C18orf54: variants seen among roughly 807,000 people sequenced by gnomAD.
C18orf54 encodes lung adenoma susceptibility protein 2.
In C18orf54, 49 loss-of-function variants were observed where a neutral mutation model predicts 49.3. That is an observed-to-expected ratio of 0.99 (90% confidence interval 0.79 to 1.26). The LOEUF (loss-of-function observed/expected upper bound fraction) is 1.26, where lower values mean the gene tolerates loss of function less well. Ranked by LOEUF, C18orf54 falls within the 50% of genes most tolerant of loss-of-function variation. The probability of loss-of-function intolerance (pLI) is 0.00; values close to 1 mark genes in which losing one functional copy is unlikely to be tolerated. For missense variants in C18orf54, 687 were observed against 620.6 expected (o/e 1.11, Z -1.14); for synonymous variants, 211 against 216.6 (o/e 0.97, Z 0.23).
chr18:54,369,526 G>A (rs949806286), intron 6 of C18orf54, among the ~76,000 whole-genome samples: 5 of 139,618 alleles, frequency 3.6e-5, no homozygotes, highest in African/African-American at 1.3e-4. Flanking sequence ...CTGGAGCGCA[G>A]TGGCACAATC....
chr18:54,362,031 T>C lies in C18orf54; in HGVS notation c.672T>C (p.Ser224=). The change falls in exon 4 of 9, where the codon TCT becomes TCC. Residue 224 remains serine, a synonymous_variant. Coordinates refer to ENST00000620105, the MANE Select transcript of C18orf54 (RefSeq NM_001288980.2). The part of the protein sequence containing the change: ...ESSLSFPKKS[S]FKDSSEHSLE... ...CTTTGTCTTTTCCCAAGAAATCGTC[T>C]TTCAAGGACAGTTCAGAACACAGTC... 1 of 1,588,682 alleles carries C rather than the reference T, an allele frequency of 6.3e-7. No homozygotes were observed.
chr18:54,363,796 T>C (rs910574315), intron 5 of C18orf54: 1 of 130,654 alleles, frequency 7.7e-6, no homozygotes, highest in African/African-American at 3.1e-5. Flanking sequence ...AGACAGAGTC[T>C]ATTAGTTCCT....
chr18:54,360,972 A>G, intron 3 of C18orf54, 117 bp downstream of exon 3: 1 of 974,652 alleles, frequency 1.0e-6, no homozygotes, highest in Non-Finnish European at 1.5e-6. Flanking sequence ...AAATAACATA[A>G]TATTGAGATC....
intron 6 of C18orf54, among the ~76,000 whole-genome samples, chr18:54,370,703 C>T (rs1458261090): frequency 6.6e-6 from 1 of 152,132 alleles, no homozygotes; most frequent in Non-Finnish European, 1.5e-5. Flanking sequence ...TTGGCACAAA[C>T]AGTTCATATG....
rs536834083 is a variant in C18orf54, at chr18:54,370,403, C to T, written c.1327-2063C>T. Among the ~76,000 whole-genome samples the T allele has an allele frequency of 4.6e-5, 7 of 152,124 alleles. No homozygotes were observed. In the East Asian group the frequency reaches 9.6e-4, roughly 21 times the overall value. The stretch of plus-strand genomic sequence containing the variant: ...CAGGAAGATATGCATAGGTTATATG[C>T]AAATACTGTGCCATTTTATAATCAG... On this transcript the variant is annotated intron_variant, in intron 6 of 8. Transcript: ENST00000620105.
chr18:54,375,810 T>G (rs1282295773), intron 8 of C18orf54, among the ~76,000 whole-genome samples: 1 of 152,166 alleles, frequency 6.6e-6, no homozygotes, highest in Non-Finnish European at 1.5e-5. Context: ...TTATTAATTC[T>G]GTTGTATTAA....
In C18orf54 at chr18:54,381,097, A is replaced by T. The variant is rs1204044124; in HGVS notation, c.*2851A>T. 6.6e-6 allele frequency: 1 copy of T among 152,190 alleles called. No homozygotes were observed. Among genetic ancestry groups the T allele is most frequent in the Non-Finnish European group, 1.5e-5 (1 of 68,010 alleles). The allele number at this position is 152,190 out of a possible 1,614,324, so 9.4% of individuals were successfully genotyped here. A position where few individuals can be genotyped will look rare whatever the true frequency, so the allele number is the denominator to read the frequency against. ...TGCGTTGGATTGCAGTGCCTATCAT[A>T]CAGTGATTGGAGTAAATTGAGGCCT... On this transcript the variant is annotated 3_prime_UTR_variant, in exon 9 of 9. Coordinates refer to ENST00000620105, the MANE Select transcript of C18orf54 (RefSeq NM_001288980.2).
At position 54,379,091 on chromosome 18, in the gene C18orf54, A is replaced by G. The variant is rs1045060239; in HGVS notation, c.*845A>G. 1.3e-5 allele frequency: 2 copies of G among 151,956 alleles called. No individual in the cohort carries two copies. The highest frequency in any genetic ancestry group is 2.9e-5 in the Non-Finnish European group (2 of 67,898). The allele number at this position is 151,956 out of a possible 1,614,324, so 9.4% of individuals were successfully genotyped here. On this transcript the variant is annotated 3_prime_UTR_variant, in exon 9 of 9. Transcript: ENST00000620105. ...AATGAATATGGAAAATCAGAAAGCA[A>G]CTCTATTTTAGAGCTATTTTGTAAG...
intron 8 of C18orf54, among the ~76,000 whole-genome samples, chr18:54,377,323 G>T (rs12458588): frequency 0.4 from 60,983 of 152,028 alleles, 13,827 homozygotes; most frequent in East Asian, 0.68. Flanking sequence ...AAAGTGCATG[G>T]ATTACAGGCG....
At chr18:54,376,705 A>G (rs1346321569) in intron 8 of C18orf54, among the ~76,000 whole-genome samples, 1 of 152,234 alleles carries the variant, frequency 6.6e-6, no homozygotes, top group African/African-American at 2.4e-5. Flanking sequence ...CACTTAGTCA[A>G]TGAAGGTGGG....
chr18:54,365,168 T>C (rs1353252826), intron 5 of C18orf54, among the ~76,000 whole-genome samples: 2 of 152,030 alleles, frequency 1.3e-5, no homozygotes, highest in African/African-American at 4.8e-5. Context: ...GATAAATTAC[T>C]TAAGGTCATA....
chr18:54,380,751 A>C lies in C18orf54; in HGVS notation c.*2505A>C, dbSNP rs904972712. On this transcript the variant is annotated 3_prime_UTR_variant, in exon 9 of 9. Transcript: ENST00000620105. ...TATTACATTATATGTAGTTATACCA[A>C]AATATTGCCTGAAGATAAATCATGA... The C allele has an allele frequency of 6.6e-6, 1 of 152,104 alleles. No homozygotes were observed. Among genetic ancestry groups the C allele is most frequent in the African/African-American group, 2.4e-5 (1 of 41,434 alleles). The allele number at this position is 152,104 out of a possible 1,614,324, so 9.4% of individuals were successfully genotyped here.
At position 54,381,707 on chromosome 18, in the gene C18orf54, C is replaced by T. The variant is rs1032153920; in HGVS notation, c.*3461C>T. 3.3e-5 allele frequency: 5 copies of T among 152,212 alleles called. No homozygotes were observed. Among genetic ancestry groups the T allele is most frequent in the African/African-American group, 9.7e-5 (4 of 41,440 alleles). 9.4% of individuals were successfully genotyped at this position (152,212 alleles called of 1,614,324 possible). On this transcript the variant is annotated 3_prime_UTR_variant, in exon 9 of 9. Transcript: ENST00000620105. ...CCAAGTATTTTATTTCGTCCCTAAA[C>T]ATTCTAACTATCCACCAAACTGGTA... is the stretch of plus-strand genomic sequence containing the variant.
Position 54,362,889 on chromosome 18 carries a change from A to G in C18orf54, c.1191A>G (p.Ala397=). The change falls in exon 5 of 9, where the codon GCA becomes GCG. Residue 397 remains alanine (A), a synonymous_variant. Coordinates refer to ENST00000620105, the MANE Select transcript of C18orf54 (RefSeq NM_001288980.2). The part of the protein sequence containing the change: ...DSPCSLDKLE[A]DRSWENIPVT... Reference sequence around the variant, plus strand: ...CTTGCTCATTAGATAAACTTGAAGCAGACAGATCATGGGAAAATATTCCTG... The same window carrying G: ...CTTGCTCATTAGATAAACTTGAAGCGGACAGATCATGGGAAAATATTCCTG... 2 of 1,606,982 alleles carry G rather than the reference A, an allele frequency of 1.2e-6. No homozygotes were observed. Among genetic ancestry groups the G allele is most frequent in the Non-Finnish European group, 1.7e-6 (2 of 1,178,606 alleles).
At chr18:54,369,916 T>A (rs569383795) in intron 6 of C18orf54, among the ~76,000 whole-genome samples, 1 of 30,922 alleles carries the variant, frequency 3.2e-5, no homozygotes, top group Admixed American at 4.8e-4. Flanking sequence ...TGTCTTTGTA[T>A]ACAGTTGGCC....
In C18orf54 at chr18:54,370,145, C is replaced by T. The variant is rs189631861; in HGVS notation, c.1327-2321C>T. 1.2e-3 allele frequency among the ~76,000 whole-genome samples: 176 copies of T among 152,058 alleles called. 4 individuals are homozygous for T. In the South Asian group the frequency reaches 0.03, roughly 26 times the overall value. On this transcript the variant is annotated intron_variant, in intron 6 of 8. Coordinates refer to ENST00000620105, the MANE Select transcript of C18orf54 (RefSeq NM_001288980.2). ...ATAAAAAATGAGCCGGTTCTGGTGGCGGGCGCCTTTAGTCCCAGCTACTTT... is the reference window on the plus strand; with the variant it reads ...ATAAAAAATGAGCCGGTTCTGGTGGTGGGCGCCTTTAGTCCCAGCTACTTT...
chr18:54,359,878 A>G (rs918298443), intron 2 of C18orf54, among the ~76,000 whole-genome samples: 8 of 152,224 alleles, frequency 5.3e-5, no homozygotes, highest in East Asian at 1.9e-4. Context: ...TCCATTTAAC[A>G]TAAGAATTGA....
chr18:54,372,315 G>A, intron 6 of C18orf54, 151 bp from the exon 7 acceptor site: 1 of 728,440 alleles, frequency 1.4e-6, no homozygotes, highest in South Asian at 4.3e-5. Flanking sequence ...GAAGTGGTGA[G>A]TTACAATTTT....
Position 54,365,806 on chromosome 18 carries a change from A to G in C18orf54, c.1311A>G (p.Leu437=). The part of the protein sequence containing the change: ...KSAKGVLEDF[L]NNDNQSCTLS... ...CTAAAGGGGTTCTTGAAGACTTTCT[A>G]AATAATGATAATCAGGTGGGTGAAA... The change falls in exon 6 of 9, where the codon CTA becomes CTG. Residue 437 remains leucine, a synonymous_variant. Coordinates refer to ENST00000620105, the MANE Select transcript of C18orf54 (RefSeq NM_001288980.2). 1 of 1,571,616 alleles carries G rather than the reference A, an allele frequency of 6.4e-7. No individual in the cohort carries two copies. Among genetic ancestry groups the G allele is most frequent in the Non-Finnish European group, 8.7e-7 (1 of 1,150,564 alleles).
Sources: allele counts gnomAD v4.1 joint callset (sites outside exome capture counted in the v4.1 genomes callset), GRCh38; gene constraint gnomAD v4.1.1; transcripts MANE v1.5; gene names NCBI Gene and HGNC (gene_info 2026-07-23, HGNC 2026-07-21).